RBFOX1: variants seen among roughly 807,000 people sequenced by gnomAD.
The protein encoded by RBFOX1 is RNA binding fox-1 homolog 1.
In RBFOX1, 8 loss-of-function variants were observed where a neutral mutation model predicts 57.7. The ratio of observed to expected loss-of-function variants is 0.14; its 90% CI spans 0.08 to 0.25. The LOEUF (loss-of-function observed/expected upper bound fraction) is 0.25. Among genes scored for constraint, RBFOX1 ranks in the 10% least tolerant of loss-of-function variants. The probability of loss-of-function intolerance (pLI) is 1.00; values close to 1 mark genes in which losing one functional copy is unlikely to be tolerated. For synonymous variants in RBFOX1, 326 were observed against 222.4 expected (o/e 1.47, Z -4.15); for missense variants, 611 against 548.5 (o/e 1.11, Z -1.14).
At chr16:6,032,395 T>G (rs1010488032) in intron 1 of RBFOX1, among the ~76,000 whole-genome samples, 1 of 152,004 alleles carries the variant, frequency 6.6e-6, no homozygotes, top group Non-Finnish European at 1.5e-5. Flanking sequence ...AAATATACAA[T>G]TATTCATTCC....
At chr16:7,053,768 C>T (rs1376215376) in intron 4 of RBFOX1, among the ~76,000 whole-genome samples, 1 of 152,112 alleles carries the variant, frequency 6.6e-6, no homozygotes, top group African/African-American at 2.4e-5. Context: ...CATAATGGTT[C>T]ATTTAGTTTA....
At chr16:6,024,321 C>T (rs944870381) in intron 1 of RBFOX1, among the ~76,000 whole-genome samples, 9 of 151,978 alleles carry the variant, frequency 5.9e-5, no homozygotes, top group Admixed American at 3.3e-4. Flanking sequence ...ATAAGCAAGA[C>T]GTTGAAATAT....
At chr16:7,316,608 C>CAAGTGAT (rs2096444928) in intron 4 of RBFOX1, among the ~76,000 whole-genome samples, 1 of 152,126 alleles carries the variant, frequency 6.6e-6, no homozygotes, top group Admixed American at 6.5e-5. Flanking sequence ...AGCCCATGAG[C>CAAGTGAT]AAGTGATCAT....
chr16:6,987,480 C>G (rs989443729), intron 3 of RBFOX1, among the ~76,000 whole-genome samples: 5 of 115,174 alleles, frequency 4.3e-5, no homozygotes, highest in South Asian at 6.2e-4. Context: ...CACACACACA[C>G]ACACACACAC....
At chr16:7,391,397 C>T (rs982462056) in intron 4 of RBFOX1, among the ~76,000 whole-genome samples, 1 of 152,192 alleles carries the variant, frequency 6.6e-6, no homozygotes, top group Non-Finnish European at 1.5e-5. Flanking sequence ...AGCTGGGTAC[C>T]TGCCTCCCTC....
chr16:6,166,875 G>A (rs1265054010), intron 1 of RBFOX1, among the ~76,000 whole-genome samples: 1 of 152,134 alleles, frequency 6.6e-6, no homozygotes. Flanking sequence ...CCGGGTTCAA[G>A]CAATTCTTCC....
At chr16:6,209,261 G>A (rs149850580) in intron 1 of RBFOX1, among the ~76,000 whole-genome samples, 24 of 152,264 alleles carry the variant, frequency 1.6e-4, no homozygotes, top group East Asian at 3.9e-4. Flanking sequence ...GAGGGGCCAC[G>A]TTTTGTGGAA....
At chr16:5,747,415 G>C (rs908369502) in intron 3 of RBFOX1, among the ~76,000 whole-genome samples, 1 of 152,158 alleles carries the variant, frequency 6.6e-6, no homozygotes, top group Non-Finnish European at 1.5e-5. Flanking sequence ...AGTTAGGGAG[G>C]ATTCCCTCTT....
chr16:6,261,125 C>G (rs920725542), intron 1 of RBFOX1, among the ~76,000 whole-genome samples: 1 of 152,146 alleles, frequency 6.6e-6, no homozygotes, highest in Non-Finnish European at 1.5e-5. Context: ...TTTTTTAAAA[C>G]CCCACAAATT....
chr16:6,284,105 C>A (rs1165785508), intron 1 of RBFOX1, among the ~76,000 whole-genome samples: 1 of 152,206 alleles, frequency 6.6e-6, no homozygotes, highest in African/African-American at 2.4e-5. Flanking sequence ...ACTCACACAA[C>A]ATCTAGGCCA....
At chr16:6,058,936 C>G (rs1450588448) in intron 1 of RBFOX1, among the ~76,000 whole-genome samples, 1 of 152,240 alleles carries the variant, frequency 6.6e-6, no homozygotes, top group Non-Finnish European at 1.5e-5. Flanking sequence ...TTGCTTCACT[C>G]TAGCTTTCTT....
intron 1 of RBFOX1, among the ~76,000 whole-genome samples, chr16:6,248,354 A>G (rs998295633): frequency 8.5e-5 from 13 of 152,096 alleles, no homozygotes; most frequent in African/African-American, 2.7e-4. Context: ...AACACAGTCT[A>G]TTTCACAGCC....
intron 4 of RBFOX1, among the ~76,000 whole-genome samples, chr16:7,480,589 G>A (rs1242240152): frequency 6.6e-6 from 1 of 152,174 alleles, no homozygotes; most frequent in Non-Finnish European, 1.5e-5. Flanking sequence ...CTTTTTTCAA[G>A]CGTGGACTCA....
chr16:6,680,356 G>T (rs1434410666), intron 3 of RBFOX1, among the ~76,000 whole-genome samples: 2 of 143,728 alleles, frequency 1.4e-5, no homozygotes, highest in Non-Finnish European at 3.0e-5. Context: ...TCCGCCTCCC[G>T]GGTTCACGCC....
At chr16:7,487,144 C>A (rs940257930) in intron 4 of RBFOX1, among the ~76,000 whole-genome samples, 4 of 152,132 alleles carry the variant, frequency 2.6e-5, no homozygotes, top group African/African-American at 9.7e-5. Context: ...AGGTGATTTA[C>A]CCGCCTCGGC....
intron 3 of RBFOX1, among the ~76,000 whole-genome samples, chr16:6,824,397 G>A (rs1407618506): frequency 6.6e-6 from 1 of 152,212 alleles, no homozygotes; most frequent in African/African-American, 2.4e-5. Flanking sequence ...AACAGAGCGA[G>A]ATTCCATGTC....
chr16:6,187,050 T>C (rs1217348192), intron 1 of RBFOX1, among the ~76,000 whole-genome samples: 1 of 152,156 alleles, frequency 6.6e-6, no homozygotes, highest in Non-Finnish European at 1.5e-5. Flanking sequence ...CCATTTGGCA[T>C]GTTTTTGAGC....
At chr16:6,933,860 G>C (rs2076950611) in intron 3 of RBFOX1, among the ~76,000 whole-genome samples, 1 of 152,114 alleles carries the variant, frequency 6.6e-6, no homozygotes, top group African/African-American at 2.4e-5. Context: ...CAATAATTGG[G>C]ATTTCATTAT....
intron 2 of RBFOX1, among the ~76,000 whole-genome samples, chr16:5,577,115 T>A (rs1007443186): frequency 1.3e-5 from 2 of 152,232 alleles, no homozygotes; most frequent in African/African-American, 4.8e-5. Flanking sequence ...TCTCTCTCTC[T>A]TAATGGACTA....
Sources: allele counts gnomAD v4.1 joint callset (sites outside exome capture counted in the v4.1 genomes callset), GRCh38; gene constraint gnomAD v4.1.1; transcripts MANE v1.5; gene names NCBI Gene and HGNC (gene_info 2026-07-23, HGNC 2026-07-21).